The following TUT4 variants were observed in gnomAD, a reference collection of about 807,000 sequenced individuals.
TUT4 encodes terminal uridylyl transferase 4, also known as terminal uridylyltransferase 4.
Under a neutral mutation model 192.2 loss-of-function variants are expected in TUT4, and 36 were observed. The observed-to-expected ratio is 0.19, with a 90% CI of 0.14 to 0.25. The LOEUF (loss-of-function observed/expected upper bound fraction) is 0.25. TUT4 is among the 10% of genes least tolerant of loss of function. TUT4 has a pLI of 1.00. For synonymous variants in TUT4, 618 were observed against 666.0 expected (o/e 0.93, Z 1.11); for missense variants, 1,493 against 1,957.2 (o/e 0.76, Z 4.47).
At position 52,526,078 on chromosome 1, in the gene TUT4, G is replaced by GT. The variant is rs1436397883; in HGVS notation, c.202dup (p.Thr68AsnfsTer4). The GT allele has an allele frequency of 1.2e-6, 2 of 1,609,208 alleles. No homozygotes were observed. Among genetic ancestry groups the GT allele is most frequent in the South Asian group, 1.1e-5 (1 of 89,472 alleles). ...ATTTACTTTACATGATTTAACTTCT[G>GT]TTTTTTCTATACAAATATCATTTTG... On this transcript the variant is annotated frameshift_variant, in exon 2 of 30. Transcript: ENST00000257177. LOFTEE classifies it high-confidence loss of function.
chr1:52,466,682 A>ATATATATATATATATTTTTTTT (rs372853314), intron 15 of TUT4, among the ~76,000 whole-genome samples: 1 of 123,844 alleles, frequency 8.1e-6, no homozygotes, highest in African/African-American at 3.2e-5. Context: ...ATATATATAT[A>ATATATATATATATATTTTTTTT]TTTTTGAGAC....
intron 4 of TUT4, among the ~76,000 whole-genome samples, chr1:52,498,547 T>A (rs1437170323): frequency 2.6e-5 from 4 of 151,846 alleles, no homozygotes; most frequent in Non-Finnish European, 5.9e-5. Flanking sequence ...CCCGGCCGTT[T>A]CACTTAGGAT....
intron 20 of TUT4, among the ~76,000 whole-genome samples, chr1:52,446,930 A>T (rs929986123): frequency 6.6e-6 from 1 of 152,218 alleles, no homozygotes; most frequent in Non-Finnish European, 1.5e-5. Context: ...ACCTATCAAA[A>T]CATATCCAGT....
intron 13 of TUT4, among the ~76,000 whole-genome samples, chr1:52,472,961 G>T (rs2148860754): frequency 6.6e-6 from 1 of 151,906 alleles, no homozygotes; most frequent in East Asian, 1.9e-4. Context: ...ATGCACTGTG[G>T]GCTAATTAAC....
chr1:52,427,198 A>G (rs1650272022), intron 28 of TUT4, among the ~76,000 whole-genome samples: 1 of 152,164 alleles, frequency 6.6e-6, no homozygotes, highest in Admixed American at 6.5e-5. Flanking sequence ...AGTAAGACAA[A>G]TGTTATGATA....
intron 4 of TUT4, among the ~76,000 whole-genome samples, chr1:52,502,431 G>A (rs539860007): frequency 6.0e-4 from 91 of 151,996 alleles, no homozygotes; most frequent in African/African-American, 1.9e-3. Flanking sequence ...AATATTCAGC[G>A]AACCCTTAAT....
At chr1:52,506,302 C>G (rs769261863) in intron 4 of TUT4, among the ~76,000 whole-genome samples, 2 of 151,838 alleles carry the variant, frequency 1.3e-5, no homozygotes, top group African/African-American at 4.8e-5. Flanking sequence ...TTTCTCCCGT[C>G]GGAGTCAACA....
At chr1:52,537,595 C>A (rs928062686) in intron 1 of TUT4, among the ~76,000 whole-genome samples, 3 of 152,132 alleles carry the variant, frequency 2.0e-5, no homozygotes, top group Non-Finnish European at 2.9e-5. Context: ...AAAAAGGAAA[C>A]AGAGGATTTG....
chr1:52,543,745 A>C (rs1470749848), intron 1 of TUT4, among the ~76,000 whole-genome samples: 1 of 151,850 alleles, frequency 6.6e-6, no homozygotes, highest in East Asian at 1.9e-4. Flanking sequence ...CGGCCTCCTA[A>C]AGTGCTGGGA....
chr1:52,537,192 AAAAG>A (rs1254786772), intron 1 of TUT4, among the ~76,000 whole-genome samples: 1 of 152,180 alleles, frequency 6.6e-6, no homozygotes, highest in African/African-American at 2.4e-5. Flanking sequence ...AAAATTAAAA[AAAAG>A]AGAGAGATTG....
intron 9 of TUT4, among the ~76,000 whole-genome samples, chr1:52,485,970 A>G (rs1232470455): frequency 1.3e-5 from 2 of 152,134 alleles, no homozygotes; most frequent in African/African-American, 2.4e-5. Context: ...ATATCTTGGT[A>G]CATTTAAGAT....
intron 9 of TUT4, among the ~76,000 whole-genome samples, chr1:52,484,755 T>C (rs1051400659): frequency 8.5e-5 from 13 of 152,178 alleles, no homozygotes; most frequent in Admixed American, 6.5e-4. Flanking sequence ...AGCATACTCT[T>C]GATTAAAGCA....
At position 52,489,054 on chromosome 1, in the gene TUT4, C is replaced by G. The variant is rs368666049; in HGVS notation, c.1389-19G>C. On this transcript the variant is annotated intron_variant, in intron 8 of 29. Transcript: ENST00000257177. ...TAAACCACTGTGAATGAGAAAGAAA[C>G]AAATTTCATTGTATTAATACCCTTA... The G allele has an allele frequency of 6.9e-6, 11 of 1,601,572 alleles. No individual in the cohort carries two copies. Among genetic ancestry groups the G allele is most frequent in the Non-Finnish European group, 8.5e-6 (10 of 1,176,164 alleles).
rs565575780 is a variant in TUT4 at position 52,541,986 on chromosome 1, C to T, written c.-94+10945G>A. 4.6e-5 allele frequency among the ~76,000 whole-genome samples: 7 copies of T among 152,240 alleles called. No individual in the cohort carries two copies. The South Asian group carries it at 1.5e-3, about 32-fold the overall frequency. On this transcript the variant is annotated intron_variant, in intron 1 of 29. Transcript: ENST00000257177. ...ATGAATGGATAAACAAAATGTGGGA[C>T]ATATATATAATGAACTACTACTCTG...
intron 28 of TUT4, among the ~76,000 whole-genome samples, chr1:52,426,112 A>G (rs1192812311): frequency 6.6e-6 from 1 of 152,196 alleles, no homozygotes; most frequent in Non-Finnish European, 1.5e-5. Flanking sequence ...AATCAATTAT[A>G]TCTTGGCCTG....
rs772947981 is a variant in TUT4, at chr1:52,525,556, G to T, written c.718+7C>A. ...ATATACAAAAATCCCTCCAAAAAAT[G>T]ACTTACTTAAATCGTCCGATACGTC... is the stretch of plus-strand genomic sequence containing the variant. On this transcript the variant is annotated splice_region_variant and intron_variant, in intron 2 of 29. Transcript: ENST00000257177. 3.8e-6 allele frequency: 6 copies of T among 1,590,558 alleles called. No individual in the cohort carries two copies. The highest frequency in any genetic ancestry group is 2.3e-5 in the South Asian group (2 of 86,762).
intron 24 of TUT4, among the ~76,000 whole-genome samples, chr1:52,439,767 T>C (rs1654946302): frequency 6.6e-6 from 1 of 152,224 alleles, no homozygotes; most frequent in Non-Finnish European, 1.5e-5. Flanking sequence ...AATTACACTA[T>C]TAAGTATATA....
At chr1:52,449,444 A>G (rs967618193) in intron 20 of TUT4, among the ~76,000 whole-genome samples, 1 of 152,150 alleles carries the variant, frequency 6.6e-6, no homozygotes, top group Non-Finnish European at 1.5e-5. Context: ...GATTACAGGC[A>G]TATGCCACCA....
intron 3 of TUT4, among the ~76,000 whole-genome samples, chr1:52,512,898 T>TAA (rs71041900): frequency 2.8e-5 from 4 of 145,078 alleles, no homozygotes; most frequent in African/African-American, 9.9e-5. Flanking sequence ...CCTGAAGAAA[T>TAA]AAAAAAAAAA....
Sources: allele counts gnomAD v4.1 joint callset (sites outside exome capture counted in the v4.1 genomes callset), GRCh38; gene constraint gnomAD v4.1.1; transcripts MANE v1.5; gene names NCBI Gene and HGNC (gene_info 2026-07-23, HGNC 2026-07-21).